KRT80: variants seen among roughly 807,000 people sequenced by gnomAD.
The protein encoded by KRT80 is keratin, type II cytoskeletal 80.
A neutral mutation model predicts 51.5 loss-of-function variants in KRT80; 36 were observed. The ratio of observed to expected loss-of-function variants is 0.70; its 90% CI spans 0.54 to 0.92. The LOEUF is 0.92. KRT80 is among the 40% of genes least tolerant of loss of function. The pLI is 0.00. For synonymous variants in KRT80, 235 were observed against 248.3 expected (o/e 0.95, Z 0.50); for missense variants, 566 against 591.7 (o/e 0.96, Z 0.45).
chr12:52,177,062 C>T (rs1349576630), intron 4 of KRT80, among the ~76,000 whole-genome samples: 1 of 152,230 alleles, frequency 6.6e-6, no homozygotes, highest in Non-Finnish European at 1.5e-5. Flanking sequence ...CCCACAGTTA[C>T]TGAGCCAGGA....
chr12:52,173,186 G>A, intron 5 of KRT80, 23 bp from the exon 6 acceptor site: 1 of 1,592,548 alleles, frequency 6.3e-7, no homozygotes, highest in South Asian at 1.1e-5. Context: ...GGAGGTCTCA[G>A]TGAGGGGCAG....
At chr12:52,178,795 T>C (rs1305941999) in intron 4 of KRT80, among the ~76,000 whole-genome samples, 1 of 152,072 alleles carries the variant, frequency 6.6e-6, no homozygotes, top group Admixed American at 6.5e-5. Flanking sequence ...AGGCTGGTCC[T>C]GTTACTCTCT....
chr12:52,178,613 G>C (rs1327284654), intron 4 of KRT80, among the ~76,000 whole-genome samples: 1 of 152,214 alleles, frequency 6.6e-6, no homozygotes, highest in Non-Finnish European at 1.5e-5. Context: ...CCTGCGAAGC[G>C]ATCTTGTCCA....
At chr12:52,178,826 C>T (rs923871209) in intron 4 of KRT80, among the ~76,000 whole-genome samples, 1 of 151,720 alleles carries the variant, frequency 6.6e-6, no homozygotes, top group South Asian at 2.1e-4. Flanking sequence ...GATAAGGACA[C>T]TAAGGCACAG....
intron 6 of KRT80, among the ~76,000 whole-genome samples, chr12:52,172,798 GCTTT>G (rs750884799): frequency 3.9e-5 from 6 of 152,150 alleles, no homozygotes; most frequent in Non-Finnish European, 8.8e-5. Flanking sequence ...TAGTGTGGGG[GCTTT>G]CTAACGTTCC....
Position 52,173,254 on chromosome 12 carries a change from C to T in KRT80, c.832-91G>A. 2.1e-6 allele frequency: 3 copies of T among 1,403,080 alleles called. No homozygotes were observed. The South Asian group carries it at 4.6e-5, about 21-fold the overall frequency. 86.9% of individuals were successfully genotyped at this position (1,403,080 alleles called of 1,614,324 possible). A position where few individuals can be genotyped will look rare whatever the true frequency, so the allele number is the denominator to read the frequency against. The stretch of plus-strand genomic sequence containing the variant: ...TCTGCTTTTTCTTGCATCCTCCAGT[C>T]CCATCTCCAACTCTGCAGCCCACCA... On this transcript the variant is annotated intron_variant, in intron 5 of 8. Coordinates refer to ENST00000394815, the MANE Select transcript of KRT80 (RefSeq NM_182507.3).
intron 1 of KRT80, among the ~76,000 whole-genome samples, chr12:52,190,130 G>T (rs370694900): frequency 6.6e-6 from 1 of 152,182 alleles, no homozygotes; most frequent in East Asian, 1.9e-4. Flanking sequence ...TGCCTCAGTG[G>T]ACTGTGGTCC....
At position 52,191,636 on chromosome 12, in the gene KRT80, G is replaced by A. The variant is rs1941482012; in HGVS notation, c.267C>T (p.Ala89=). 6.2e-7 allele frequency: 1 copy of A among 1,600,956 alleles called. No individual in the cohort carries two copies. Among genetic ancestry groups the A allele is most frequent in the South Asian group, 1.1e-5 (1 of 90,336 alleles). The part of the protein sequence containing the change: ...LKNQEKEEMK[A]LNDKFASLIG... Reference sequence around the variant, plus strand: ...TTAGGGAGGCAAATTTATCATTGAGGGCCTTCATCTCCTCCTTCTCCTGGT... The same window carrying A: ...TTAGGGAGGCAAATTTATCATTGAGAGCCTTCATCTCCTCCTTCTCCTGGT... The change falls in exon 1 of 9, where the codon GCC becomes GCT. Residue 89 remains alanine, a synonymous_variant. Transcript: ENST00000394815.
chr12:52,189,465 G>A (rs1249484292), intron 1 of KRT80, among the ~76,000 whole-genome samples: 1 of 152,238 alleles, frequency 6.6e-6, no homozygotes, highest in Non-Finnish European at 1.5e-5. Context: ...TAATGAGCCT[G>A]CTAACCTAAT....
intron 1 of KRT80, among the ~76,000 whole-genome samples, chr12:52,190,888 G>A (rs1941469239): frequency 2.0e-5 from 3 of 152,164 alleles, no homozygotes; most frequent in South Asian, 4.1e-4. Flanking sequence ...GTGGACACGA[G>A]TGCCCCAGAC....
At chr12:52,177,308 G>T (rs1941243375) in intron 4 of KRT80, among the ~76,000 whole-genome samples, 1 of 152,234 alleles carries the variant, frequency 6.6e-6, no homozygotes, top group Admixed American at 6.5e-5. Context: ...CAGCCTCCAT[G>T]CAAAAGTTTA....
intron 1 of KRT80, chr12:52,185,826 G>T (rs1006175672): frequency 6.3e-6 from 5 of 793,982 alleles, no homozygotes; most frequent in Non-Finnish European, 7.7e-6. Context: ...GTTTCCAGGC[G>T]AGGGCAGGGC....
intron 1 of KRT80, 57 bp from the exon 2 acceptor site, chr12:52,185,644 C>A: frequency 6.4e-7 from 1 of 1,570,812 alleles, no homozygotes; most frequent in Non-Finnish European, 8.6e-7. Context: ...GGGGCTGAGG[C>A]CCCGGGCTGA....
At chr12:52,189,239 C>T (rs748931818) in intron 1 of KRT80, among the ~76,000 whole-genome samples, 6 of 152,088 alleles carry the variant, frequency 3.9e-5, no homozygotes, top group South Asian at 2.1e-4. Context: ...AACAGCCCTG[C>T]GCCGTACCTC....
intron 2 of KRT80, among the ~76,000 whole-genome samples, chr12:52,182,753 G>A (rs995334896): frequency 1.3e-5 from 2 of 152,160 alleles, no homozygotes; most frequent in African/African-American, 4.8e-5. Flanking sequence ...ACTGGAGGGA[G>A]CATCCTCACG....
At position 52,174,205 on chromosome 12, in the gene KRT80, C is replaced by A. The variant is rs750467087; in HGVS notation, c.667-441G>T. Among the ~76,000 whole-genome samples, 4 of 152,240 alleles carry A rather than the reference C, an allele frequency of 2.6e-5. No homozygotes were observed. In the East Asian group the frequency reaches 7.7e-4, roughly 29 times the overall value. On this transcript the variant is annotated intron_variant, in intron 4 of 8. Transcript: ENST00000394815. ...GTACAGCTCTGCCTCTCCCACTGGA[C>A]GAGCAGCTCCTTGTGGGCCTGGCAG...
intron 1 of KRT80, among the ~76,000 whole-genome samples, chr12:52,190,771 G>A (rs1161486751): frequency 6.6e-6 from 1 of 152,228 alleles, no homozygotes. Context: ...ATTCTTGAGG[G>A]TGCAGGAGGG....
Position 52,172,205 on chromosome 12 carries a change from C to T in KRT80, c.1171G>A (p.Glu391Lys), listed in dbSNP as rs777192440. The change falls in exon 7 of 9, where the codon GAG becomes AAG. Residue 391 changes from glutamate (E) to lysine (K), a missense_variant. By Grantham distance (56) the Glu-to-Lys change is moderately conservative (BLOSUM62 1). Coordinates refer to ENST00000394815, the MANE Select transcript of KRT80 (RefSeq NM_182507.3). ...ATYRKLVEGE[E>K]GRMDSPSATV... ...ACCAGCCCTGGCTCTCACCTGCCCT[C>T]CTCGCCCTCCACCAGCTTCCTGTAG... 5.0e-6 allele frequency: 8 copies of T among 1,613,424 alleles called. No individual in the cohort carries two copies. Among genetic ancestry groups the T allele is most frequent in the Non-Finnish European group, 6.8e-6 (8 of 1,180,028 alleles).
intron 2 of KRT80, 152 bp downstream of exon 2, chr12:52,185,227 C>T (rs938838513): frequency 2.6e-6 from 2 of 761,928 alleles, no homozygotes; most frequent in Non-Finnish European, 4.2e-6. Context: ...TAGAATACTG[C>T]CTGGCACATA....
Sources: gnomAD v4.1 joint callset for allele counts (sites outside exome capture counted in the v4.1 genomes callset) on GRCh38, gnomAD v4.1.1 for gene constraint, MANE v1.5 for transcripts, NCBI Gene and HGNC (gene_info 2026-07-23, HGNC 2026-07-21) for gene names.